The following PIGN variants were observed in gnomAD, a reference collection of about 807,000 sequenced individuals.
The protein encoded by PIGN is phosphatidylinositol glycan anchor biosynthesis class N.
In PIGN, 117 loss-of-function variants were observed where a neutral mutation model predicts 125.4. The ratio of observed to expected loss-of-function variants is 0.93; its 90% CI spans 0.80 to 1.09. PIGN has a LOEUF of 1.09. PIGN is among the 50% of genes least tolerant of loss of function. PIGN has a pLI of 0.00. For synonymous variants in PIGN, 392 were observed against 377.8 expected (o/e 1.04, Z -0.44); for missense variants, 1,075 against 1,094.9 (o/e 0.98, Z 0.26).
intron 30 of PIGN, among the ~76,000 whole-genome samples, chr18:62,049,270 A>G (rs2145082531): frequency 6.6e-6 from 1 of 152,240 alleles, no homozygotes; most frequent in South Asian, 2.1e-4. Context: ...TCCCTGAGGA[A>G]TCGCCACACT....
intron 30 of PIGN, among the ~76,000 whole-genome samples, chr18:62,049,972 CTTGTTT>C (rs1305808268): frequency 1.0e-4 from 15 of 150,424 alleles, no homozygotes; most frequent in Non-Finnish European, 1.0e-4. Flanking sequence ...TTCCCCATTG[CTTGTTT>C]TTCTCAGGTT....
chr18:62,128,136 T>A (rs1262977215), intron 14 of PIGN, among the ~76,000 whole-genome samples: 1 of 152,174 alleles, frequency 6.6e-6, no homozygotes, highest in African/African-American at 2.4e-5. Context: ...TTTAAAAATA[T>A]CATATATAAA....
intron 23 of PIGN, among the ~76,000 whole-genome samples, chr18:62,031,271 G>A (rs553963838): frequency 5.3e-5 from 8 of 152,252 alleles, no homozygotes; most frequent in East Asian, 1.9e-4. Context: ...TGATTGTGAG[G>A]CCTCCCCAGC....
chr18:62,076,094 C>A (rs1182091905), intron 28 of PIGN: 1 of 152,252 alleles, frequency 6.6e-6, no homozygotes, highest in Non-Finnish European at 1.5e-5. Context: ...CGCCACAACG[C>A]CCGGATAATT....
At chr18:62,154,359 G>C in intron 7 of PIGN, 186 bp downstream of exon 7, 1 of 512,418 alleles carries the variant, frequency 2.0e-6, no homozygotes, top group Non-Finnish European at 3.4e-6. Flanking sequence ...AGAAACAAAG[G>C]AGTTTAAAAC....
At chr18:62,122,051 G>A (rs1260065886) in intron 14 of PIGN, among the ~76,000 whole-genome samples, 6 of 152,132 alleles carry the variant, frequency 3.9e-5, no homozygotes, top group Non-Finnish European at 8.8e-5. Context: ...GTAGAGGGGA[G>A]AAGGCAATGA....
At chr18:62,114,449 T>C (rs1187960311) in intron 15 of PIGN, 112 bp downstream of exon 15, 6 of 679,310 alleles carry the variant, frequency 8.8e-6, no homozygotes, top group South Asian at 8.2e-5. Flanking sequence ...AATGCAATCC[T>C]TCCTTGAGGG....
At chr18:62,023,004 G>C (rs2144865649) in intron 23 of PIGN, among the ~76,000 whole-genome samples, 1 of 152,256 alleles carries the variant, frequency 6.6e-6, no homozygotes, top group African/African-American at 2.4e-5. Context: ...CTACTGTATT[G>C]TTCAGGGAAT....
intron 1 of PIGN, among the ~76,000 whole-genome samples, chr18:62,179,672 G>T (rs72945485): frequency 6.6e-6 from 1 of 151,930 alleles, no homozygotes; most frequent in Non-Finnish European, 1.5e-5. Flanking sequence ...CTTGAACCCC[G>T]GAGATCGAGG....
chr18:62,082,670 TA>T lies in PIGN; in HGVS notation c.2576+2del. On this transcript the variant is annotated splice_donor_variant, in intron 28 of 30. Transcript: ENST00000640252. LOFTEE classifies it high-confidence loss of function. ...AAATGTTTCTTAAACTAATTCATCT[TA>T]CCTTTTTGACGATAACTGAGTAGTC... 1 of 1,497,588 alleles carries T rather than the reference TA, an allele frequency of 6.7e-7. No homozygotes were observed. The highest frequency in any genetic ancestry group is 9.1e-7 in the Non-Finnish European group (1 of 1,096,922). The allele number at this position is 1,497,588 out of a possible 1,614,324, so 92.8% of individuals were successfully genotyped here.
intron 2 of PIGN, 136 bp from the exon 3 acceptor site, chr18:62,162,465 T>C (rs1263418682): frequency 6.6e-6 from 1 of 152,156 alleles, no homozygotes; most frequent in African/African-American, 2.4e-5. Context: ...ATCTTTTTCT[T>C]CTTGGCCTGA....
intron 6 of PIGN, among the ~76,000 whole-genome samples, chr18:62,156,562 C>G (rs2036742338): frequency 6.6e-6 from 1 of 152,122 alleles, no homozygotes; most frequent in Non-Finnish European, 1.5e-5. Flanking sequence ...AACTCCTGAG[C>G]TCAAGTGATC....
At chr18:62,113,378 G>A in intron 15 of PIGN, 62 bp from the exon 16 acceptor site, 2 of 1,321,696 alleles carry the variant, frequency 1.5e-6, no homozygotes, top group Admixed American at 5.1e-5. Context: ...ACATTTTAAA[G>A]AAAGGAAAAT....
chr18:62,140,559 G>T, intron 11 of PIGN, 80 bp from the exon 12 acceptor site: 1 of 687,086 alleles, frequency 1.5e-6, no homozygotes, highest in Non-Finnish European at 2.5e-6. Flanking sequence ...ACCATATTTT[G>T]GAAAATAACC....
chr18:62,046,581 C>T (rs776325494), intron 30 of PIGN, among the ~76,000 whole-genome samples: 44 of 151,060 alleles, frequency 2.9e-4, no homozygotes, highest in Non-Finnish European at 5.0e-4. Context: ...ACATACACAG[C>T]GGCGTGTGGA....
intron 30 of PIGN, among the ~76,000 whole-genome samples, chr18:62,065,470 G>A (rs2145544166): frequency 6.6e-6 from 1 of 152,308 alleles, no homozygotes; most frequent in East Asian, 1.9e-4. Flanking sequence ...GGGGCGTGGT[G>A]GCTCACGCCT....
intron 1 of PIGN, among the ~76,000 whole-genome samples, chr18:62,181,335 G>A (rs2037709107): frequency 6.6e-6 from 1 of 152,054 alleles, no homozygotes; most frequent in South Asian, 2.1e-4. Context: ...CCCCAACACA[G>A]TCAAACTTCT....
intron 25 of PIGN, chr18:62,088,246 A>G (rs2033799756): frequency 1.3e-5 from 2 of 152,260 alleles, no homozygotes; most frequent in African/African-American, 4.8e-5. Context: ...AGCCTTTCCA[A>G]ACTAAGACTT....
At chr18:62,134,617 C>T (rs2035860431) in intron 14 of PIGN, among the ~76,000 whole-genome samples, 1 of 152,136 alleles carries the variant, frequency 6.6e-6, no homozygotes. Flanking sequence ...CTGCTTTGTC[C>T]AAGGATTGAC....
Sources: gnomAD v4.1 joint callset for allele counts (sites outside exome capture counted in the v4.1 genomes callset) on GRCh38, gnomAD v4.1.1 for gene constraint, MANE v1.5 for transcripts, NCBI Gene and HGNC (gene_info 2026-07-23, HGNC 2026-07-21) for gene names.